TAF4: variants seen among roughly 807,000 people sequenced by gnomAD.
TAF4 encodes TATA-box binding protein associated factor 4.
TAF4 carries 9 observed loss-of-function variants against 90.3 expected under a neutral mutation model. The ratio of observed to expected loss-of-function variants is 0.10; its 90% CI spans 0.06 to 0.17. The LOEUF (loss-of-function observed/expected upper bound fraction) is 0.17. TAF4 is among the 10% of genes least tolerant of loss of function. The pLI is 1.00. For synonymous variants in TAF4, 818 were observed against 638.9 expected (o/e 1.28, Z -4.23); for missense variants, 1,351 against 1,370.7 (o/e 0.99, Z 0.23).
chr20:62,018,862 C>A (rs1335836768), intron 1 of TAF4, among the ~76,000 whole-genome samples: 1 of 152,232 alleles, frequency 6.6e-6, no homozygotes. Context: ...CAGGTGGTGA[C>A]GGGATGGGGC....
At chr20:62,001,897 A>C (rs191312663) in intron 9 of TAF4, among the ~76,000 whole-genome samples, 1 of 152,138 alleles carries the variant, frequency 6.6e-6, no homozygotes, top group African/African-American at 2.4e-5. Context: ...TTTTTAGAAG[A>C]CAACATCTGA....
In TAF4 at chr20:62,065,285, G is replaced by A; in HGVS notation, c.526C>T (p.Pro176Ser). The A allele has an allele frequency of 4.4e-6, 4 of 908,414 alleles. No individual in the cohort carries two copies. The highest frequency in any genetic ancestry group is 1.9e-5 in the African/African-American group (1 of 51,536). 56.3% of individuals were successfully genotyped at this position (908,414 alleles called of 1,614,324 possible). A position where few individuals can be genotyped will look rare whatever the true frequency, so the allele number is the denominator to read the frequency against. ...GGGCCGGGGCCGGGGCCGGGGCCGG[G>A]CCCGGGGCCGGGGCCGGCGCGGGCG... ...LAARAGPGPG[P>S]GPGPGPGPGP... is the part of the protein sequence containing the mutation. Residue 176 changes from proline (P) to serine (S), a missense_variant, in exon 1 of 15, where the codon CCC becomes TCC. Pro to Ser is a moderately conservative substitution (Grantham distance 74). Around this residue, in one of 9 missense-constraint regions of TAF4, gnomAD observed 782 missense variants for 536.6 expected, o/e 1.46. Coordinates refer to ENST00000252996, the MANE Select transcript of TAF4 (RefSeq NM_003185.4).
At chr20:62,061,707 T>G (rs1455121711) in intron 1 of TAF4, among the ~76,000 whole-genome samples, 1 of 152,232 alleles carries the variant, frequency 6.6e-6, no homozygotes, top group African/African-American at 2.4e-5. Context: ...TAACTAGTGC[T>G]TTTCCGTGAT....
intron 1 of TAF4, among the ~76,000 whole-genome samples, chr20:62,020,158 G>C (rs377707044): frequency 1.3e-5 from 2 of 152,192 alleles, no homozygotes; most frequent in African/African-American, 2.4e-5. Context: ...AAGTCACTCC[G>C]GAGCATGGCA....
intron 1 of TAF4, among the ~76,000 whole-genome samples, chr20:62,060,633 C>T (rs1313183683): frequency 6.6e-6 from 1 of 152,218 alleles, no homozygotes; most frequent in Non-Finnish European, 1.5e-5. Flanking sequence ...ACACAGCTCC[C>T]CAAAAGTTCT....
In TAF4 at chr20:62,064,692, C is replaced by T; in HGVS notation, c.1119G>A (p.Met373Ile). 2 of 1,256,966 alleles carry T rather than the reference C, an allele frequency of 1.6e-6. No individual in the cohort carries two copies. The highest frequency in any genetic ancestry group is 2.0e-6 in the Non-Finnish European group (2 of 1,005,562). The allele number at this position is 1,256,966 out of a possible 1,614,324, so 77.9% of individuals were successfully genotyped here. A position where few individuals can be genotyped will look rare whatever the true frequency, so the allele number is the denominator to read the frequency against. Residue 373 changes from methionine to isoleucine, a missense_variant, in exon 1 of 15, where the codon ATG (methionine) becomes ATA (isoleucine). Coordinates refer to ENST00000252996, the MANE Select transcript of TAF4 (RefSeq NM_003185.4). ...ASGPASTAASMVIGPTMQGAL... is the reference protein window; with the variant it reads ...ASGPASTAASIVIGPTMQGAL... ...CCCCTTGCATAGTTGGCCCGATGAC[C>T]ATGCTGGCCGCCGTGCTGGCCGGGC...
chr20:61,989,805 G>A (rs928818217), intron 14 of TAF4, among the ~76,000 whole-genome samples: 3 of 152,184 alleles, frequency 2.0e-5, no homozygotes, highest in African/African-American at 2.4e-5. Flanking sequence ...ATCCATGAGC[G>A]AACGAATAAA....
At chr20:62,002,139 CTTGA>C (rs1413372459) in intron 9 of TAF4, among the ~76,000 whole-genome samples, 1 of 152,216 alleles carries the variant, frequency 6.6e-6, no homozygotes, top group African/African-American at 2.4e-5. Flanking sequence ...TTCCTGCAGC[CTTGA>C]TTAATTCTTT....
At chr20:61,982,651 C>A (rs112621646) in intron 14 of TAF4, among the ~76,000 whole-genome samples, 4 of 55,622 alleles carry the variant, frequency 7.2e-5, no homozygotes, top group Non-Finnish European at 8.3e-5. Context: ...CACACCCACC[C>A]GAGAGGAGAC....
intron 13 of TAF4, among the ~76,000 whole-genome samples, chr20:61,997,912 G>GCC (rs1377489928): frequency 6.6e-6 from 1 of 152,084 alleles, no homozygotes; most frequent in Non-Finnish European, 1.5e-5. Context: ...AGAGACTAAT[G>GCC]CCCCCCGCAA....
intron 14 of TAF4, among the ~76,000 whole-genome samples, chr20:61,984,102 A>G (rs1215266248): frequency 1.3e-5 from 2 of 152,226 alleles, no homozygotes; most frequent in Non-Finnish European, 2.9e-5. Flanking sequence ...GAACAGGTCA[A>G]GTGGACAAAA....
At chr20:62,062,581 T>C (rs4925337) in intron 1 of TAF4, among the ~76,000 whole-genome samples, 71,274 of 152,022 alleles carry the variant, frequency 0.47, 17,762 homozygotes, top group Middle Eastern at 0.63. Flanking sequence ...GTGTGAGCTG[T>C]TCCTCTGTCC....
intron 1 of TAF4, among the ~76,000 whole-genome samples, chr20:62,026,771 G>A (rs28382033): frequency 2.8e-4 from 42 of 152,144 alleles, no homozygotes; most frequent in African/African-American, 7.2e-4. Flanking sequence ...GCTTGCTGCC[G>A]CCCCGTGAGT....
intron 14 of TAF4, chr20:61,980,390 C>A (rs976845790): frequency 6.6e-6 from 1 of 152,242 alleles, no homozygotes; most frequent in Admixed American, 6.5e-5. Context: ...TCCTTTACTC[C>A]GCCACGGAGC....
intron 14 of TAF4, among the ~76,000 whole-genome samples, chr20:61,984,623 T>C (rs1043739966): frequency 2.0e-4 from 25 of 127,686 alleles, no homozygotes; most frequent in Admixed American, 7.6e-5. Context: ...GCCACCCAGC[T>C]GGGAAAGAGG....
At chr20:62,049,907 G>A (rs1401506162) in intron 1 of TAF4, among the ~76,000 whole-genome samples, 1 of 152,148 alleles carries the variant, frequency 6.6e-6, no homozygotes, top group Admixed American at 6.5e-5. Flanking sequence ...CACTCAAGAT[G>A]CTTGGAGCAA....
At chr20:62,050,182 G>C (rs953574624) in intron 1 of TAF4, among the ~76,000 whole-genome samples, 1 of 152,168 alleles carries the variant, frequency 6.6e-6, no homozygotes, top group Admixed American at 6.5e-5. Flanking sequence ...AGACCAGAAG[G>C]TTCTGCACAG....
chr20:61,999,986 T>C, intron 11 of TAF4, 138 bp downstream of exon 11: 2 of 1,064,140 alleles, frequency 1.9e-6, no homozygotes, highest in South Asian at 2.8e-5. Context: ...CTATAAGAAA[T>C]CCAAAACACG....
At chr20:62,049,251 C>G (rs1478291035) in intron 1 of TAF4, among the ~76,000 whole-genome samples, 3 of 152,118 alleles carry the variant, frequency 2.0e-5, no homozygotes, top group Non-Finnish European at 2.9e-5. Context: ...AGCGGGGTTC[C>G]CAGGCTGAGC....
Sources: allele counts gnomAD v4.1 joint callset (sites outside exome capture counted in the v4.1 genomes callset), GRCh38; gene constraint gnomAD v4.1.1; regional missense constraint gnomAD v4.1.1; transcripts MANE v1.5; gene names NCBI Gene and HGNC (gene_info 2026-07-23, HGNC 2026-07-21).